Variants in NFASC observed in about 807,000 individuals in gnomAD.
NFASC encodes neurofascin homolog.
A neutral mutation model predicts 147.5 loss-of-function variants in NFASC; 43 were observed. The ratio of observed to expected loss-of-function variants is 0.29; its 90% confidence interval spans 0.23 to 0.38. The LOEUF (loss-of-function observed/expected upper bound fraction) is 0.38. Among genes scored for constraint, NFASC ranks in the 10% least tolerant of loss-of-function variants. The pLI, the probability that NFASC is intolerant of heterozygous loss-of-function variation, is 1.00. For missense variants in NFASC, 1,320 were observed against 1,689.0 expected, an observed-to-expected ratio of 0.78 and a Z score of 3.83; for synonymous variants, 622 against 665.5, an observed-to-expected ratio of 0.93 and a Z score of 1.01.
At chr1:204,853,238 G>A (rs1197869602) in intron 1 of NFASC, among the ~76,000 whole-genome samples, 2 of 152,232 alleles carry the variant, frequency 1.3e-5, no homozygotes, top group African/African-American at 4.8e-5. Flanking sequence ...CATATTAGAA[G>A]TGGCTAGCCT....
intron 2 of NFASC, among the ~76,000 whole-genome samples, chr1:204,933,336 G>A (rs765942611): frequency 6.6e-6 from 1 of 152,196 alleles, no homozygotes; most frequent in Non-Finnish European, 1.5e-5. Flanking sequence ...GAAGTAGACA[G>A]TCTGAGGGCC....
intron 1 of NFASC, among the ~76,000 whole-genome samples, chr1:204,867,799 G>GCAGAGA (rs1023383448): frequency 3.3e-5 from 5 of 152,152 alleles, no homozygotes; most frequent in African/African-American, 1.2e-4. Context: ...GCCACTCCAA[G>GCAGAGA]CAGAGACAGA....
At chr1:204,989,134 A>T in intron 23 of NFASC, 1 of 348,976 alleles carries the variant, frequency 2.9e-6, no homozygotes, top group Admixed American at 4.4e-5. Flanking sequence ...ATCATAATGA[A>T]CTCCAAAGAA....
At chr1:204,907,833 G>T (rs1480720246) in intron 1 of NFASC, among the ~76,000 whole-genome samples, 1 of 152,264 alleles carries the variant, frequency 6.6e-6, no homozygotes, top group South Asian at 2.1e-4. Flanking sequence ...TCATTCTTGG[G>T]CTCATGATGC....
intron 4 of NFASC, among the ~76,000 whole-genome samples, chr1:204,951,315 ATTTTTT>A (rs33974199): frequency 1.7e-5 from 2 of 118,814 alleles, no homozygotes; most frequent in South Asian, 2.9e-4. Flanking sequence ...TGCCCGGCTA[ATTTTTT>A]TTTTTTTTTT....
intron 15 of NFASC, among the ~76,000 whole-genome samples, chr1:204,976,433 G>A (rs539662795): frequency 5.8e-4 from 88 of 152,310 alleles, no homozygotes; most frequent in Admixed American, 2.1e-3. Flanking sequence ...GGTGGCAAAC[G>A]TGCTTCACAG....
At position 205,019,684 on chromosome 1, in the gene NFASC, G is replaced by T. The variant is rs2096387010; in HGVS notation, c.*3145G>T. 6.6e-6 allele frequency: 1 copy of T among 152,238 alleles called. No homozygotes were observed. The highest frequency in any genetic ancestry group is 1.5e-5 in the Non-Finnish European group (1 of 68,070). The allele number at this position is 152,238 out of a possible 1,614,324, so 9.4% of individuals were successfully genotyped here. On this transcript the variant is annotated 3_prime_UTR_variant, in exon 30 of 30. Transcript: ENST00000339876. ...TTAAGCCACTGATGGCTGCGAGCTT[G>T]AAGAGAGGGATTCTGAGGGAGAGCT... is the stretch of plus-strand genomic sequence containing the variant.
At chr1:204,899,766 C>T (rs563274272) in intron 1 of NFASC, among the ~76,000 whole-genome samples, 8 of 152,324 alleles carry the variant, frequency 5.3e-5, no homozygotes, top group Admixed American at 3.9e-4. Context: ...TCTCCATTTT[C>T]CCATCAGTAT....
At chr1:204,995,507 C>A (rs924350739) in intron 24 of NFASC, among the ~76,000 whole-genome samples, 1 of 152,060 alleles carries the variant, frequency 6.6e-6, no homozygotes, top group Non-Finnish European at 1.5e-5. Flanking sequence ...CCCCTCCGCA[C>A]GCCGCCCTGA....
At chr1:204,874,602 G>A (rs1350919023) in intron 1 of NFASC, among the ~76,000 whole-genome samples, 2 of 152,118 alleles carry the variant, frequency 1.3e-5, no homozygotes, top group Non-Finnish European at 2.9e-5. Context: ...CGGGCCCTGG[G>A]TCCTGATGGC....
At chr1:204,900,048 A>G (rs1297408150) in intron 1 of NFASC, among the ~76,000 whole-genome samples, 1 of 152,200 alleles carries the variant, frequency 6.6e-6, no homozygotes, top group Non-Finnish European at 1.5e-5. Context: ...GCATTTAATA[A>G]CCAGTGTTAT....
Position 204,991,317 on chromosome 1 carries a change from A to G in NFASC, c.2782+11A>G, listed in dbSNP as rs72753447. On this transcript the variant is annotated intron_variant, in intron 24 of 29. Transcript: ENST00000339876. Reference sequence around the variant, plus strand: ...CTACTCCAACCGCAGGTACCGTACCAGCCGCGGAGGTAATGGGCATGGCAT... The same window carrying G: ...CTACTCCAACCGCAGGTACCGTACCGGCCGCGGAGGTAATGGGCATGGCAT... 45,963 of 1,611,762 alleles carry G rather than the reference A, an allele frequency of 0.029. 841 individuals carry two copies. The highest frequency in any genetic ancestry group is 0.077 in the Middle Eastern group (469 of 6,060).
intron 1 of NFASC, among the ~76,000 whole-genome samples, chr1:204,876,999 T>A (rs1572352188): frequency 4.9e-5 from 1 of 20,346 alleles, no homozygotes; most frequent in Admixed American, 5.5e-4. Flanking sequence ...TAAATATGTA[T>A]ATATATATAT....
intron 25 of NFASC, 75 bp from the exon 26 acceptor site, chr1:205,001,095 G>A (rs2095973805): frequency 1.2e-6 from 1 of 828,994 alleles, no homozygotes; most frequent in African/African-American, 1.7e-5. Flanking sequence ...ACACGCTTGT[G>A]TGTATGTGTG....
intron 20 of NFASC, 102 bp from the exon 21 acceptor site, chr1:204,981,696 C>A: frequency 1.4e-6 from 1 of 705,312 alleles, no homozygotes; most frequent in Non-Finnish European, 2.3e-6. Flanking sequence ...CAGTGTTGGG[C>A]ACATCTGGAA....
At chr1:204,926,401 TA>T (rs2091557373) in intron 2 of NFASC, among the ~76,000 whole-genome samples, 3 of 12,326 alleles carry the variant, frequency 2.4e-4, no homozygotes, top group African/African-American at 5.7e-4. Flanking sequence ...TATATATATA[TA>T]TATATTTTTT....
chr1:204,876,317 C>T (rs1447783752), intron 1 of NFASC, among the ~76,000 whole-genome samples: 2 of 151,998 alleles, frequency 1.3e-5, no homozygotes, highest in Non-Finnish European at 2.9e-5. Context: ...ACCCCACAGC[C>T]CCTGCATATT....
intron 1 of NFASC, among the ~76,000 whole-genome samples, chr1:204,870,195 C>T (rs144711460): frequency 1.8e-3 from 267 of 152,212 alleles, no homozygotes; most frequent in Admixed American, 4.6e-3. Context: ...ATTTAGCCTG[C>T]AGAAGATAGG....
Position 204,877,066 on chromosome 1 carries a change from ATTTAT to A in NFASC, c.-199-43565_-199-43561del, listed in dbSNP as rs1558550136. 3.9e-4 allele frequency among the ~76,000 whole-genome samples: 43 copies of A among 110,056 alleles called. 2 individuals are homozygous for A. The highest frequency in any genetic ancestry group is 1.5e-3 in the Admixed American group (14 of 9,342). The allele number at this position is 110,056 out of a possible 152,430, so 72.2% of individuals were successfully genotyped here. On this transcript the variant is annotated intron_variant, in intron 1 of 29. Transcript: ENST00000339876. ...ATATATATAATATATTTATTTATAT[ATTTAT>A]ATATATATAATATATTTATTTATAT...
Sources: allele counts gnomAD v4.1 joint callset (sites outside exome capture counted in the v4.1 genomes callset), GRCh38; gene constraint gnomAD v4.1.1; transcripts MANE v1.5; gene names NCBI Gene and HGNC (gene_info 2026-07-23, HGNC 2026-07-21).